Variants in NR3C1 observed in about 807,000 individuals in gnomAD.
NR3C1 encodes nuclear receptor subfamily 3 group C member 1.
NR3C1 carries 14 observed loss-of-function variants against 74.0 expected under a neutral mutation model. The ratio of observed to expected loss-of-function variants is 0.19; its 90% confidence interval spans 0.12 to 0.30. The LOEUF (loss-of-function observed/expected upper bound fraction) is 0.30, where lower values mean the gene tolerates loss of function less well. NR3C1 is among the 10% of genes least tolerant of loss of function. NR3C1 has a pLI of 1.00. For missense variants in NR3C1, 695 were observed against 909.8 expected, an observed-to-expected ratio of 0.76 and a Z score of 3.04; for synonymous variants, 308 against 332.5, an observed-to-expected ratio of 0.93 and a Z score of 0.80.
At position 143,400,531 on chromosome 5, in the gene NR3C1, T is replaced by C. The variant is rs779300133; in HGVS notation, c.309A>G (p.Gly103=). 3 of 1,614,242 alleles carry C rather than the reference T, an allele frequency of 1.9e-6. No individual in the cohort carries two copies. The South Asian group carries it at 3.3e-5, about 18-fold the overall frequency. Residue 103 remains glycine, a synonymous_variant, in exon 2 of 9, where the codon GGA becomes GGG. Transcript: ENST00000394464. Reference sequence around the variant, plus strand: ...GGCTGATTTGGCCCTGCTGTGGGAATCCCAGGTCATTTCCCATCACTTTTG... The same window carrying C: ...GGCTGATTTGGCCCTGCTGTGGGAACCCCAGGTCATTTCCCATCACTTTTG... ...TETKVMGNDL[G]FPQQGQISLS...
chr5:143,432,428 CT>C (rs1751875306), intron 1 of NR3C1, among the ~76,000 whole-genome samples: 1 of 152,086 alleles, frequency 6.6e-6, no homozygotes, highest in Non-Finnish European at 1.5e-5. Flanking sequence ...TGAGGGGCAT[CT>C]TTGTGGAAAC....
intron 2 of NR3C1, among the ~76,000 whole-genome samples, chr5:143,321,650 A>G (rs1823404125): frequency 6.6e-6 from 1 of 152,156 alleles, no homozygotes; most frequent in Non-Finnish European, 1.5e-5. Context: ...TTTTCCAGTC[A>G]TATGTCTTAT....
intron 2 of NR3C1, among the ~76,000 whole-genome samples, chr5:143,343,486 T>C (rs1276142923): frequency 6.6e-6 from 1 of 152,170 alleles, no homozygotes; most frequent in Non-Finnish European, 1.5e-5. Flanking sequence ...ACACTATGTG[T>C]GAGGTAGGTA....
intron 1 of NR3C1, among the ~76,000 whole-genome samples, chr5:143,401,900 C>T (rs1365475911): frequency 6.6e-6 from 1 of 152,248 alleles, no homozygotes; most frequent in Non-Finnish European, 1.5e-5. Flanking sequence ...CAATTCTCAG[C>T]CTATTCTCAA....
At chr5:143,421,601 A>G (rs1458748631) in intron 1 of NR3C1, among the ~76,000 whole-genome samples, 3 of 152,022 alleles carry the variant, frequency 2.0e-5, no homozygotes, top group Non-Finnish European at 4.4e-5. Context: ...TGGGCACATC[A>G]CTTGAGGTCT....
In NR3C1 at chr5:143,419,589, C is replaced by T. The variant is rs1031190994; in HGVS notation, c.-14+14943G>A. On this transcript the variant is annotated intron_variant, in intron 1 of 8. Coordinates refer to the NR3C1 transcript ENST00000343796. ...GTAGGTTCCGTGATGCCCCACAAGC[C>T]GCAAAACCAGCAAGTTTTTATTAGG... Among the ~76,000 whole-genome samples, 8 of 152,086 alleles carry T rather than the reference C, an allele frequency of 5.3e-5. No homozygotes were observed. The East Asian group carries it at 9.6e-4, about 18-fold the overall frequency.
At chr5:143,393,993 G>A (rs183856077) in intron 2 of NR3C1, among the ~76,000 whole-genome samples, 12 of 151,946 alleles carry the variant, frequency 7.9e-5, no homozygotes, top group East Asian at 1.9e-4. Flanking sequence ...AAGATAATGC[G>A]TAAACATTTA....
chr5:143,389,545 T>C (rs1023306878), intron 2 of NR3C1, among the ~76,000 whole-genome samples: 2 of 152,238 alleles, frequency 1.3e-5, no homozygotes, highest in Non-Finnish European at 2.9e-5. Context: ...GGCTTCCTTA[T>C]TTACTGTTTT....
chr5:143,345,841 T>G (rs1829185932), intron 2 of NR3C1, among the ~76,000 whole-genome samples: 1 of 152,188 alleles, frequency 6.6e-6, no homozygotes, highest in Non-Finnish European at 1.5e-5. Flanking sequence ...TATTTAGAAG[T>G]TTAGTGATGT....
chr5:143,374,198 A>T (rs926883178), intron 2 of NR3C1, among the ~76,000 whole-genome samples: 1 of 152,208 alleles, frequency 6.6e-6, no homozygotes, highest in South Asian at 2.1e-4. Flanking sequence ...GCTTAAAAAC[A>T]TAGTGAGTAA....
At chr5:143,294,697 T>G (rs1036123495) in intron 7 of NR3C1, among the ~76,000 whole-genome samples, 1 of 152,188 alleles carries the variant, frequency 6.6e-6, no homozygotes, top group Non-Finnish European at 1.5e-5. Context: ...GTCTTCACAG[T>G]TTTGCCTTTT....
intron 1 of NR3C1, chr5:143,402,816 G>C: frequency 3.9e-5 from 38 of 985,452 alleles, no homozygotes; most frequent in Non-Finnish European, 4.5e-5. Flanking sequence ...GTAAAATTCA[G>C]ACGCGGCTTA....
At chr5:143,390,289 C>T (rs995659871) in intron 2 of NR3C1, among the ~76,000 whole-genome samples, 1 of 152,038 alleles carries the variant, frequency 6.6e-6, no homozygotes, top group South Asian at 2.1e-4. Context: ...TATATTGTAG[C>T]TATAACTCAA....
chr5:143,404,964 C>A (rs1378903908), upstream of NR3C1, among the ~76,000 whole-genome samples: 1 of 152,218 alleles, frequency 6.6e-6, no homozygotes, highest in East Asian at 1.9e-4. Context: ...CAGCGTTCAA[C>A]TCCCTACAGA....
At chr5:143,381,734 G>C (rs1178952856) in intron 2 of NR3C1, among the ~76,000 whole-genome samples, 1 of 152,090 alleles carries the variant, frequency 6.6e-6, no homozygotes, top group Non-Finnish European at 1.5e-5. Context: ...TCCATAGGCA[G>C]AATGAAACTA....
At chr5:143,282,755 G>A (rs1813381905) in intron 7 of NR3C1, 30 bp from the exon 8 acceptor site, 1 of 1,593,702 alleles carries the variant, frequency 6.3e-7, no homozygotes, top group African/African-American at 1.4e-5. Flanking sequence ...TCAGTTAAAG[G>A]ATTTTCTTTT....
At chr5:143,287,595 A>T (rs780891002) in intron 7 of NR3C1, among the ~76,000 whole-genome samples, 3 of 152,214 alleles carry the variant, frequency 2.0e-5, no homozygotes, top group Non-Finnish European at 2.9e-5. Flanking sequence ...AGAATAAATA[A>T]GATCAATACT....
At chr5:143,366,178 T>C (rs1022096230) in intron 2 of NR3C1, among the ~76,000 whole-genome samples, 3 of 151,714 alleles carry the variant, frequency 2.0e-5, no homozygotes, top group East Asian at 1.9e-4. Flanking sequence ...ATAAGTGAAA[T>C]AGAGAAGAGA....
chr5:143,314,773 G>C (rs1821730350), intron 2 of NR3C1, among the ~76,000 whole-genome samples: 1 of 152,058 alleles, frequency 6.6e-6, no homozygotes, highest in Non-Finnish European at 1.5e-5. Context: ...AATTCCTAAT[G>C]TCATCTTGGC....
Sources: allele counts gnomAD v4.1 joint callset (sites outside exome capture counted in the v4.1 genomes callset), GRCh38; gene constraint gnomAD v4.1.1; transcripts MANE v1.5; gene names NCBI Gene and HGNC (gene_info 2026-07-23, HGNC 2026-07-21).